SIAH2: variants seen among roughly 807,000 people sequenced by gnomAD.
SIAH2 encodes the protein siah E3 ubiquitin protein ligase 2, also known as E3 ubiquitin-protein ligase SIAH2.
SIAH2 carries 4 observed loss-of-function variants against 20.4 expected under a neutral mutation model. The ratio of observed to expected loss-of-function variants is 0.20; its 90% CI spans 0.10 to 0.45. The LOEUF is 0.45. Ranked by LOEUF, SIAH2 falls within the 20% of genes least tolerant of loss-of-function variation. SIAH2 has a pLI of 0.99. For missense variants in SIAH2, 259 were observed against 440.3 expected, an observed-to-expected ratio of 0.59 and a Z score of 3.69; for synonymous variants, 171 against 192.5, an observed-to-expected ratio of 0.89 and a Z score of 0.93.
In SIAH2 at chr3:150,741,168, A is replaced by AG. The variant is rs1204685491; in HGVS notation, c.*972dup. 4.6e-5 allele frequency: 7 copies of AG among 152,764 alleles called. No homozygotes were observed. The South Asian group carries it at 8.3e-4, about 18-fold the overall frequency. 9.5% of individuals were successfully genotyped at this position (152,764 alleles called of 1,614,324 possible). A position where few individuals can be genotyped will look rare whatever the true frequency, so the allele number is the denominator to read the frequency against. On this transcript the variant is annotated 3_prime_UTR_variant, in exon 2 of 2. Coordinates refer to ENST00000312960, the MANE Select transcript of SIAH2 (RefSeq NM_005067.7). ...TTATTAAAAAACTAGTGAATGTGGC[A>AG]GAAAAACAAAACCAACACACAGCTT...
chr3:150,758,736 A>ATTTT (rs1249931879), intron 1 of SIAH2, among the ~76,000 whole-genome samples: 1 of 108,864 alleles, frequency 9.2e-6, no homozygotes, highest in Non-Finnish European at 1.9e-5. Context: ...ACACCTGGCT[A>ATTTT]TTTTTTTTTT....
rs1325669004 is a variant in SIAH2, at chr3:150,763,140, C to G, written c.-291G>C. On this transcript the variant is annotated 5_prime_UTR_variant, in exon 1 of 2. Coordinates refer to ENST00000312960, the MANE Select transcript of SIAH2 (RefSeq NM_005067.7). The surrounding 1 kb of genome is among the most constrained non-coding windows in gnomAD (Gnocchi z 4.1). ...CAGCGGTGCGCAGAGCCCTGGCCCA[C>G]CCGCTTCTGGAACAGCCGCTGACGC... The G allele has an allele frequency of 3.8e-5, 6 of 159,052 alleles. No homozygotes were observed. Among genetic ancestry groups the G allele is most frequent in the Non-Finnish European group, 8.2e-5 (6 of 73,524 alleles). 9.9% of individuals were successfully genotyped at this position (159,052 alleles called of 1,614,324 possible).
rs5853495 is a variant in SIAH2 at position 150,745,240 on chromosome 3, TACACAC to T, written c.418-2548_418-2543del. On this transcript the variant is annotated intron_variant, in intron 1 of 1. Transcript: ENST00000312960. ...GACTAAAGTCTAAATTTTAACCCCCTACACACACACACACACACACACACACACACA... is the reference window on the plus strand; with the variant it reads ...GACTAAAGTCTAAATTTTAACCCCCTACACACACACACACACACACACACA... 3.1e-3 allele frequency among the ~76,000 whole-genome samples: 435 copies of T among 140,642 alleles called. 2 individuals carry two copies. The highest frequency in any genetic ancestry group is 6.3e-3 in the African/African-American group (240 of 37,966). The allele number at this position is 140,642 out of a possible 152,430, so 92.3% of individuals were successfully genotyped here.
chr3:150,747,414 TG>T (rs1282089297), intron 1 of SIAH2, among the ~76,000 whole-genome samples: 2 of 152,188 alleles, frequency 1.3e-5, no homozygotes, highest in African/African-American at 2.4e-5. Flanking sequence ...GCGTTTAAGC[TG>T]GGGAGGGCTT....
chr3:150,752,556 C>T (rs1714394597), intron 1 of SIAH2, among the ~76,000 whole-genome samples: 1 of 152,076 alleles, frequency 6.6e-6, no homozygotes, highest in Non-Finnish European at 1.5e-5. Flanking sequence ...TTGCAGTGAG[C>T]CAAGATCGCA....
At position 150,742,273 on chromosome 3, in the gene SIAH2, A is replaced by G. The variant is rs1714108217; in HGVS notation, c.843T>C (p.Arg281=). 6.2e-7 allele frequency: 1 copy of G among 1,614,024 alleles called. No homozygotes were observed. Among genetic ancestry groups the G allele is most frequent in the Non-Finnish European group, 8.5e-7 (1 of 1,180,032 alleles). ...RRRLTWEATP[R]SIHDGVAAAI... is the part of the protein sequence containing the mutation. ...CCGCAGCCACACCGTCATGAATCGA[A>G]CGGGGCGTGGCCTCCCAGGTCAATC... is the stretch of plus-strand genomic sequence containing the variant. Residue 281 remains arginine (R), a synonymous_variant, in exon 2 of 2, where the codon CGT becomes CGC. Transcript: ENST00000312960. The surrounding 1 kb of genome is among the most constrained non-coding windows in gnomAD (Gnocchi z 4.8).
At chr3:150,747,584 A>G (rs991331776) in intron 1 of SIAH2, among the ~76,000 whole-genome samples, 3 of 152,156 alleles carry the variant, frequency 2.0e-5, no homozygotes, top group African/African-American at 7.2e-5. Flanking sequence ...AGGGGGAATT[A>G]GTTTTAAGTA....
intron 1 of SIAH2, among the ~76,000 whole-genome samples, chr3:150,756,676 G>A (rs75080620): frequency 0.094 from 14,289 of 152,200 alleles, 1,326 homozygotes; most frequent in East Asian, 0.37. Flanking sequence ...TCTTTGGCCA[G>A]TTATGTGTGG....
In SIAH2 at chr3:150,762,252, A is replaced by G; in HGVS notation, c.417+181T>C. On this transcript the variant is annotated intron_variant, in intron 1 of 1. Transcript: ENST00000312960. This position sits in a 1 kb window ranked among gnomAD's most constrained non-coding sequence, Gnocchi z 6.6. ...TCTATTAACAATTATTACTCGGTAA[A>G]TGTCAACCCAGACCTACACCCAAAG... The G allele has an allele frequency of 8.1e-7, 1 of 1,237,930 alleles. No individual in the cohort carries two copies. Among genetic ancestry groups the G allele is most frequent in the Non-Finnish European group, 1.1e-6 (1 of 922,162 alleles). 76.7% of individuals were successfully genotyped at this position (1,237,930 alleles called of 1,614,324 possible). A position where few individuals can be genotyped will look rare whatever the true frequency, so the allele number is the denominator to read the frequency against.
At chr3:150,755,899 C>T (rs1236326052) in intron 1 of SIAH2, among the ~76,000 whole-genome samples, 2 of 152,166 alleles carry the variant, frequency 1.3e-5, no homozygotes, top group Non-Finnish European at 2.9e-5. Flanking sequence ...ATCTGCCCTC[C>T]TCAGCCTCCC....
rs1317657820 is a variant in SIAH2 at position 150,742,800 on chromosome 3, T to C, written c.418-102A>G. ...CTACTCCATTTTCCTGGGCTTAAAC[T>C]GTGTTCTTAACTACTTTTGCTCAAA... On this transcript the variant is annotated intron_variant, in intron 1 of 1. Coordinates refer to ENST00000312960, the MANE Select transcript of SIAH2 (RefSeq NM_005067.7). The surrounding 1 kb of genome is among the most constrained non-coding windows in gnomAD (Gnocchi z 4.8). 1 of 970,960 alleles carries C rather than the reference T, an allele frequency of 1.0e-6. No individual in the cohort carries two copies. The highest frequency in any genetic ancestry group is 1.6e-5 in the African/African-American group (1 of 60,980). The allele number at this position is 970,960 out of a possible 1,614,324, so 60.1% of individuals were successfully genotyped here.
Position 150,742,819 on chromosome 3 carries a change from G to C in SIAH2, c.418-121C>G, listed in dbSNP as rs114684938. The C allele has an allele frequency of 1.3e-6, 1 of 743,578 alleles. No individual in the cohort carries two copies. The highest frequency in any genetic ancestry group is 3.6e-5 in the Admixed American group (1 of 27,964). The allele number at this position is 743,578 out of a possible 1,614,324, so 46.1% of individuals were successfully genotyped here. ...TTAAACTGTGTTCTTAACTACTTTTGCTCAAAGCAAGTGAAATATTCAAGA... is the reference window on the plus strand; with the variant it reads ...TTAAACTGTGTTCTTAACTACTTTTCCTCAAAGCAAGTGAAATATTCAAGA... On this transcript the variant is annotated intron_variant, in intron 1 of 1. Coordinates refer to ENST00000312960, the MANE Select transcript of SIAH2 (RefSeq NM_005067.7). This position sits in a 1 kb window ranked among gnomAD's most constrained non-coding sequence, Gnocchi z 4.8.
intron 1 of SIAH2, among the ~76,000 whole-genome samples, chr3:150,750,428 T>C (rs1056125410): frequency 6.6e-6 from 1 of 152,228 alleles, no homozygotes; most frequent in Non-Finnish European, 1.5e-5. Flanking sequence ...GAAGTTTTAC[T>C]GTGGGACTTA....
intron 1 of SIAH2, among the ~76,000 whole-genome samples, chr3:150,752,706 T>C (rs1214925722): frequency 6.6e-6 from 1 of 152,220 alleles, no homozygotes; most frequent in Admixed American, 6.5e-5. Context: ...CGCAAGTTAT[T>C]TGTTGTTTAT....
Position 150,759,291 on chromosome 3 carries a change from A to AT in SIAH2, c.417+3141dup, listed in dbSNP as rs984039220. ...GGGATAGTTATTTGGCAATACATCC[A>AT]TTTTTTTGCCAACTGAAGCAGTCCA... On this transcript the variant is annotated intron_variant, in intron 1 of 1. Transcript: ENST00000312960. Among the ~76,000 whole-genome samples, 7 of 152,212 alleles carry AT rather than the reference A, an allele frequency of 4.6e-5. No individual in the cohort carries two copies. In the East Asian group the frequency reaches 7.7e-4, roughly 17 times the overall value.
chr3:150,744,179 C>G (rs1714161722), intron 1 of SIAH2, among the ~76,000 whole-genome samples: 1 of 152,078 alleles, frequency 6.6e-6, no homozygotes, highest in Admixed American at 6.6e-5. Context: ...ATACAAGACG[C>G]TAAGTTACAG....
chr3:150,759,830 G>A (rs1714565730), intron 1 of SIAH2, among the ~76,000 whole-genome samples: 1 of 152,190 alleles, frequency 6.6e-6, no homozygotes, highest in Non-Finnish European at 1.5e-5. Flanking sequence ...AAGTCAAGCA[G>A]ATTCATCTCT....
At chr3:150,761,175 A>G (rs961189351) in intron 1 of SIAH2, among the ~76,000 whole-genome samples, 2 of 152,240 alleles carry the variant, frequency 1.3e-5, no homozygotes, top group African/African-American at 4.8e-5. Flanking sequence ...GAAATGCAAG[A>G]CAGCTTAAAT....
chr3:150,745,681 G>A (rs370349012), intron 1 of SIAH2, among the ~76,000 whole-genome samples: 14 of 151,846 alleles, frequency 9.2e-5, no homozygotes, highest in African/African-American at 2.4e-4. Flanking sequence ...ATTTTTAGTA[G>A]AGACGGGGTC....
Sources: allele counts gnomAD v4.1 joint callset (sites outside exome capture counted in the v4.1 genomes callset), GRCh38; gene constraint gnomAD v4.1.1; non-coding constraint Gnocchi (gnomAD v3.1); transcripts MANE v1.5; gene names NCBI Gene and HGNC (gene_info 2026-07-23, HGNC 2026-07-21).